PPP1R9A: variants seen among roughly 807,000 people sequenced by gnomAD.
PPP1R9A encodes protein phosphatase 1 regulatory subunit 9A.
PPP1R9A carries 59 observed loss-of-function variants against 141.9 expected under a neutral mutation model. That is an observed-to-expected ratio of 0.42 (90% CI 0.34 to 0.52). The LOEUF (loss-of-function observed/expected upper bound fraction) is 0.52. PPP1R9A is among the 20% of genes least tolerant of loss of function. The probability of loss-of-function intolerance (pLI) is 0.10; values close to 1 mark genes in which losing one functional copy is unlikely to be tolerated. For synonymous variants in PPP1R9A, 500 were observed against 569.7 expected (o/e 0.88, Z 1.74); for missense variants, 1,444 against 1,611.9 (o/e 0.90, Z 1.78).
In PPP1R9A at chr7:94,910,005, G is replaced by A. The variant is rs1791277705; in HGVS notation, c.-109G>A. The A allele has an allele frequency of 3.4e-6, 3 of 893,362 alleles. No homozygotes were observed. The highest frequency in any genetic ancestry group is 1.7e-5 in the African/African-American group (1 of 59,556). 55.3% of individuals were successfully genotyped at this position (893,362 alleles called of 1,614,324 possible). A position where few individuals can be genotyped will look rare whatever the true frequency, so the allele number is the denominator to read the frequency against. ...ATCACTGACACCGTATACCATTTGA[G>A]AGGTACTTTTCTTGACCCAATACTG... On this transcript the variant is annotated 5_prime_UTR_variant, in exon 2 of 20. Coordinates refer to ENST00000433360, the MANE Select transcript of PPP1R9A (RefSeq NM_001166160.2). The surrounding 1 kb of genome is among the most constrained non-coding windows in gnomAD (Gnocchi z 4.5).
Position 95,294,821 on chromosome 7 carries a change from G to C in PPP1R9A, c.*4518G>C, listed in dbSNP as rs1265632503. 6.6e-6 allele frequency: 1 copy of C among 152,208 alleles called. No homozygotes were observed. Among genetic ancestry groups the C allele is most frequent in the East Asian group, 1.9e-4 (1 of 5,196 alleles). 9.4% of individuals were successfully genotyped at this position (152,208 alleles called of 1,614,324 possible). On this transcript the variant is annotated 3_prime_UTR_variant, in exon 20 of 20. Coordinates refer to ENST00000433360, the MANE Select transcript of PPP1R9A (RefSeq NM_001166160.2). ...TATGGTAGACAGAGGGTCCTTATTT[G>C]CTTGTCCGTGGTGTCTATGTGGGCC...
intron 2 of PPP1R9A, among the ~76,000 whole-genome samples, chr7:94,916,469 T>C (rs1011496940): frequency 3.3e-5 from 5 of 152,208 alleles, no homozygotes; most frequent in African/African-American, 1.2e-4. Flanking sequence ...AAATTTCCTT[T>C]CCAGATGGGC....
intron 12 of PPP1R9A, among the ~76,000 whole-genome samples, chr7:95,260,492 A>C (rs1383505457): frequency 6.6e-6 from 1 of 152,128 alleles, no homozygotes; most frequent in Non-Finnish European, 1.5e-5. Context: ...CAGCCTGGCC[A>C]ACATGGGGAA....
chr7:95,169,408 G>A (rs765586883), intron 5 of PPP1R9A, among the ~76,000 whole-genome samples: 24 of 151,542 alleles, frequency 1.6e-4, no homozygotes, highest in Admixed American at 2.6e-4. Context: ...GTGGGTGGGC[G>A]GATGAAGAGA....
intron 12 of PPP1R9A, among the ~76,000 whole-genome samples, chr7:95,261,037 A>G (rs1800352636): frequency 6.6e-6 from 1 of 152,194 alleles, no homozygotes; most frequent in Non-Finnish European, 1.5e-5. Context: ...TAGCTATGCT[A>G]AGATAAAATT....
At chr7:94,941,782 T>C (rs1360948804) in intron 2 of PPP1R9A, among the ~76,000 whole-genome samples, 2 of 152,138 alleles carry the variant, frequency 1.3e-5, no homozygotes, top group African/African-American at 2.4e-5. Flanking sequence ...AAATGATCTT[T>C]TATGATTTGA....
At chr7:95,214,763 G>A (rs1015979842) in intron 7 of PPP1R9A, among the ~76,000 whole-genome samples, 15 of 152,128 alleles carry the variant, frequency 9.9e-5, no homozygotes, top group East Asian at 3.9e-4. Context: ...TTGAGTTGTC[G>A]GAAAATATTT....
intron 2 of PPP1R9A, among the ~76,000 whole-genome samples, chr7:95,074,858 C>T (rs1313859702): frequency 6.6e-6 from 1 of 152,032 alleles, no homozygotes; most frequent in Non-Finnish European, 1.5e-5. Flanking sequence ...CCTACTCTCT[C>T]CAATACTAAG....
chr7:94,985,254 AT>A (rs1800666285), intron 2 of PPP1R9A, among the ~76,000 whole-genome samples: 1 of 152,002 alleles, frequency 6.6e-6, no homozygotes, highest in Non-Finnish European at 1.5e-5. Flanking sequence ...TATGTGGTCA[AT>A]TTTGGAATAA....
intron 2 of PPP1R9A, among the ~76,000 whole-genome samples, chr7:95,021,616 G>T (rs1805973528): frequency 1.3e-5 from 2 of 152,160 alleles, no homozygotes; most frequent in Admixed American, 1.3e-4. Context: ...TTATGTTTAA[G>T]TCTTTAATCC....
At chr7:95,064,999 T>A (rs1812755432) in intron 2 of PPP1R9A, among the ~76,000 whole-genome samples, 1 of 152,204 alleles carries the variant, frequency 6.6e-6, no homozygotes, top group African/African-American at 2.4e-5. Flanking sequence ...AGTAAGTGAC[T>A]TACCACTGTT....
intron 4 of PPP1R9A, among the ~76,000 whole-genome samples, chr7:95,126,519 C>T (rs1272260443): frequency 6.6e-6 from 1 of 152,072 alleles, no homozygotes; most frequent in Non-Finnish European, 1.5e-5. Context: ...ACAAACTAGC[C>T]AGGTATGTTC....
At chr7:95,280,160 C>G (rs1254602408) in intron 16 of PPP1R9A, among the ~76,000 whole-genome samples, 1 of 152,192 alleles carries the variant, frequency 6.6e-6, no homozygotes, top group Non-Finnish European at 1.5e-5. Context: ...GCTAGCTTTA[C>G]AACCTCAAAC....
chr7:95,246,365 T>A (rs1052569364), intron 8 of PPP1R9A, among the ~76,000 whole-genome samples: 4 of 152,338 alleles, frequency 2.6e-5, no homozygotes, highest in Middle Eastern at 3.4e-3. Context: ...ACAGTAATAG[T>A]AAAAGTTTAT....
At chr7:95,146,685 G>C (rs1055870612) in intron 4 of PPP1R9A, among the ~76,000 whole-genome samples, 1 of 152,166 alleles carries the variant, frequency 6.6e-6, no homozygotes, top group Admixed American at 6.5e-5. Flanking sequence ...AAGGTGTAAG[G>C]AAGAGGTCCA....
intron 7 of PPP1R9A, among the ~76,000 whole-genome samples, chr7:95,219,349 G>A (rs548301684): frequency 7.2e-4 from 109 of 152,144 alleles, no homozygotes; most frequent in Non-Finnish European, 1.2e-3. Context: ...CTGTTAGTCT[G>A]GTGGGTTGCC....
chr7:95,082,956 C>T (rs1309342035), intron 2 of PPP1R9A, among the ~76,000 whole-genome samples: 1 of 151,444 alleles, frequency 6.6e-6, no homozygotes, highest in Admixed American at 6.6e-5. Flanking sequence ...GGGGTTTCAC[C>T]GTGTTAGCCA....
intron 2 of PPP1R9A, among the ~76,000 whole-genome samples, chr7:95,045,144 A>C (rs937546241): frequency 2.6e-5 from 4 of 152,130 alleles, no homozygotes; most frequent in Non-Finnish European, 5.9e-5. Flanking sequence ...AAGCTATACG[A>C]ATCTATGGCA....
chr7:94,978,883 G>A (rs1041692517), intron 2 of PPP1R9A, among the ~76,000 whole-genome samples: 5 of 152,052 alleles, frequency 3.3e-5, no homozygotes, highest in African/African-American at 9.7e-5. Context: ...TACAACCTTC[G>A]CCTCCTGGGT....
Sources: allele counts gnomAD v4.1 joint callset (sites outside exome capture counted in the v4.1 genomes callset), GRCh38; gene constraint gnomAD v4.1.1; non-coding constraint Gnocchi (gnomAD v3.1); transcripts MANE v1.5; gene names NCBI Gene and HGNC (gene_info 2026-07-23, HGNC 2026-07-21).